The following RIF1 variants were observed in gnomAD, a reference collection of about 807,000 sequenced individuals.
RIF1 encodes replication timing regulatory factor 1, also known as telomere-associated protein RIF1.
A neutral mutation model predicts 247.1 loss-of-function variants in RIF1; 45 were observed. The ratio of observed to expected loss-of-function variants is 0.18; its 90% CI spans 0.14 to 0.23. RIF1 has a LOEUF of 0.23. RIF1 is among the 10% of genes least tolerant of loss of function. The probability of loss-of-function intolerance (pLI) is 1.00; values close to 1 mark genes in which losing one functional copy is unlikely to be tolerated. For synonymous variants in RIF1, 1,087 were observed against 978.8 expected (o/e 1.11, Z -2.06); for missense variants, 2,967 against 2,862.5 (o/e 1.04, Z -0.83).
chr2:151,485,973 G>T (rs371503160), downstream of RIF1: 32 of 1,587,192 alleles, frequency 2.0e-5, no homozygotes, highest in African/African-American at 4.0e-4. Context: ...TTATATGTTG[G>T]ATTTGCAACA....
chr2:151,494,626 G>A (rs1190537745), intron 9 of RIF1, among the ~76,000 whole-genome samples: 1 of 151,960 alleles, frequency 6.6e-6, no homozygotes, highest in East Asian at 1.9e-4. Flanking sequence ...TAATACATCA[G>A]CTGTTTGTTT....
Position 151,445,258 on chromosome 2 carries a change from A to C in RIF1, c.1987-80A>C, listed in dbSNP as rs1004523272. 7.0e-6 allele frequency: 6 copies of C among 852,454 alleles called. No homozygotes were observed. In the African/African-American group the frequency reaches 1.0e-4, roughly 14 times the overall value. 52.8% of individuals were successfully genotyped at this position (852,454 alleles called of 1,614,324 possible). A position where few individuals can be genotyped will look rare whatever the true frequency, so the allele number is the denominator to read the frequency against. On this transcript the variant is annotated intron_variant, in intron 18 of 35. Coordinates refer to ENST00000444746, the MANE Select transcript of RIF1 (RefSeq NM_018151.5). Reference sequence around the variant, plus strand: ...ATTGGGGAACACAGTTTTGCCCACTACTTATAAATAAGTTATGTTACTACT... The same window carrying C: ...ATTGGGGAACACAGTTTTGCCCACTCCTTATAAATAAGTTATGTTACTACT...
At chr2:151,524,731 A>G in the RIF1 span, 7 of 815,612 alleles carry the variant, frequency 8.6e-6, no homozygotes, top group South Asian at 1.7e-5. Flanking sequence ...CAGTGGTACA[A>G]TCTCAGCTCA....
chr2:151,426,209 G>A (rs576679998), intron 8 of RIF1, among the ~76,000 whole-genome samples: 3 of 98,898 alleles, frequency 3.0e-5, no homozygotes, highest in African/African-American at 8.1e-5. Context: ...GAGACTGTCC[G>A]TGTCGCCCAG....
chr2:151,514,694 A>G, the RIF1 span: 2 of 722,218 alleles, frequency 2.8e-6, no homozygotes, highest in Middle Eastern at 2.4e-4. Flanking sequence ...TACCAAGCAC[A>G]TGAGAACCCA....
chr2:151,434,108 C>T (rs2152320963), intron 10 of RIF1, among the ~76,000 whole-genome samples: 1 of 148,834 alleles, frequency 6.7e-6, no homozygotes, highest in South Asian at 2.1e-4. Flanking sequence ...ATGGAGGTTG[C>T]AGTGAGCTGA....
At chr2:151,516,569 G>T in the RIF1 span, 1 of 1,576,426 alleles carries the variant, frequency 6.3e-7, no homozygotes. Context: ...TTCACCTGGT[G>T]ATAGAAAGCC....
chr2:151,529,100 T>C, the RIF1 span: 1 of 751,958 alleles, frequency 1.3e-6, no homozygotes, highest in South Asian at 1.5e-5. Context: ...ACTCTTGCTT[T>C]GGAATCAATC....
At chr2:151,531,131 T>C in the RIF1 span, 2 of 1,396,622 alleles carry the variant, frequency 1.4e-6, no homozygotes, top group East Asian at 2.3e-5. Flanking sequence ...AAAGACATCA[T>C]GTCATGCTTC....
In RIF1 at chr2:151,465,118, A is replaced by G. The variant is rs750085839; in HGVS notation, c.5598A>G (p.Leu1866=). Residue 1866 remains leucine, a synonymous_variant, in exon 30 of 36, where the codon TTA becomes TTG. Transcript: ENST00000444746. ...NENFKTVGPC[L]GDSKNVSQES... ...ATTTTAAAACTGTTGGCCCGTGTTT[A>G]GGAGACTCGAAAAATGTTTCACAGG... 1 of 1,612,806 alleles carries G rather than the reference A, an allele frequency of 6.2e-7. No individual in the cohort carries two copies. Among genetic ancestry groups the G allele is most frequent in the Non-Finnish European group, 8.5e-7 (1 of 1,179,738 alleles).
intron 11 of RIF1, among the ~76,000 whole-genome samples, chr2:151,501,040 CT>C (rs1300401645): frequency 6.6e-6 from 1 of 152,172 alleles, no homozygotes; most frequent in African/African-American, 2.4e-5. Flanking sequence ...AGTCCAGTAT[CT>C]TTTCTTGCAT....
downstream of RIF1, chr2:151,508,151 G>T: frequency 7.2e-7 from 1 of 1,392,758 alleles, no homozygotes; most frequent in East Asian, 2.4e-5. Flanking sequence ...AAACACCACA[G>T]GGATATAGGC....
intron 20 of RIF1, among the ~76,000 whole-genome samples, 198 bp downstream of exon 20, chr2:151,446,773 T>G (rs954684095): frequency 6.6e-6 from 1 of 152,194 alleles, no homozygotes; most frequent in Non-Finnish European, 1.5e-5. Flanking sequence ...TCATTAATAG[T>G]GAAGATCTTT....
chr2:151,417,018 C>T (rs1192349611), intron 6 of RIF1, 117 bp downstream of exon 6: 22 of 696,572 alleles, frequency 3.2e-5, no homozygotes, highest in Non-Finnish European at 4.3e-5. Flanking sequence ...GTCATTTACA[C>T]CAAACGACTC....
At chr2:151,466,961 A>C (rs1697006010) in intron 30 of RIF1, among the ~76,000 whole-genome samples, 1 of 152,158 alleles carries the variant, frequency 6.6e-6, no homozygotes, top group South Asian at 2.1e-4. Context: ...GGTAGCTCAC[A>C]CCTGTAATCC....
At chr2:151,511,575 C>G (rs1312291155), downstream of RIF1, among the ~76,000 whole-genome samples, 1 of 152,178 alleles carries the variant, frequency 6.6e-6, no homozygotes, top group African/African-American at 2.4e-5. Flanking sequence ...TAAAGCACAG[C>G]TAGGGCACGT....
chr2:151,446,424 A>G lies in RIF1; in HGVS notation c.2095-2A>G. 6.2e-7 allele frequency: 1 copy of G among 1,613,650 alleles called. No individual in the cohort carries two copies. Among genetic ancestry groups the G allele is most frequent in the Non-Finnish European group, 8.5e-7 (1 of 1,179,826 alleles). ...AACTTCTTTTTTTGTTGTTATTGGT[A>G]GGCCACCATGAAGACTTTGCTTAGA... is the stretch of plus-strand genomic sequence containing the variant. On this transcript the variant is annotated splice_acceptor_variant, in intron 19 of 35. Coordinates refer to ENST00000444746, the MANE Select transcript of RIF1 (RefSeq NM_018151.5). LOFTEE classifies it high-confidence loss of function.
intron 12 of RIF1, 53 bp from the exon 13 acceptor site, chr2:151,437,188 G>A: frequency 7.1e-7 from 1 of 1,411,150 alleles, no homozygotes; most frequent in Non-Finnish European, 1.0e-6. Context: ...AGTGAGAAAT[G>A]TATTTCATAA....
intron 9 of RIF1, chr2:151,491,465 G>T (rs1012897403): frequency 2.1e-5 from 9 of 434,764 alleles, no homozygotes; most frequent in African/African-American, 1.8e-4. Flanking sequence ...AATAATGGGA[G>T]ACATGCACTG....
Sources: gnomAD v4.1 joint callset for allele counts (sites outside exome capture counted in the v4.1 genomes callset) on GRCh38, gnomAD v4.1.1 for gene constraint, MANE v1.5 for transcripts, NCBI Gene and HGNC (gene_info 2026-07-23, HGNC 2026-07-21) for gene names.